Variants in ST7 observed in about 807,000 individuals in gnomAD.
ST7 encodes suppressor of tumorigenicity 7 protein.
Under a neutral mutation model 78.7 loss-of-function variants are expected in ST7, and 28 were observed. The observed-to-expected ratio is 0.36, with a 90% CI of 0.26 to 0.49. ST7 has a LOEUF of 0.49. Ranked by LOEUF, ST7 falls within the 20% of genes least tolerant of loss-of-function variation. ST7 has a pLI of 0.99. For synonymous variants in ST7, 247 were observed against 249.6 expected (o/e 0.99, Z 0.10); for missense variants, 418 against 696.0 (o/e 0.60, Z 4.49).
chr7:117,100,506 A>G (rs910380551), intron 2 of ST7, among the ~76,000 whole-genome samples: 1 of 152,094 alleles, frequency 6.6e-6, no homozygotes, highest in African/African-American at 2.4e-5. Context: ...ATCAAAATGG[A>G]ATATTGTACA....
intron 1 of ST7, among the ~76,000 whole-genome samples, chr7:117,042,654 A>G (rs1797286987): frequency 6.6e-6 from 1 of 152,126 alleles, no homozygotes; most frequent in Admixed American, 6.5e-5. Flanking sequence ...TCACTCTTGT[A>G]GACATTTTAA....
At chr7:117,211,358 C>G (rs1423907649) in intron 13 of ST7, among the ~76,000 whole-genome samples, 1 of 152,148 alleles carries the variant, frequency 6.6e-6, no homozygotes, top group Non-Finnish European at 1.5e-5. Context: ...TGTGTGTGAG[C>G]ATGGTCATGA....
chr7:117,032,271 C>T lies in ST7; in HGVS notation c.152-67491C>T, dbSNP rs189442552. 3.5e-3 allele frequency among the ~76,000 whole-genome samples: 534 copies of T among 152,036 alleles called. 2 individuals are homozygous for T. The highest frequency in any genetic ancestry group is 0.014 in the Middle Eastern group (4 of 294). On this transcript the variant is annotated intron_variant, in intron 1 of 15. Coordinates refer to ENST00000323984, the MANE Select transcript of ST7 (RefSeq NM_001369598.1). ...TTTATGTAAATGCTACTTTTATGGC[C>T]CTTAGAACATTTGTTCTTTCTCTTG...
intron 2 of ST7, among the ~76,000 whole-genome samples, chr7:117,100,494 C>T (rs1379990298): frequency 2.0e-5 from 3 of 151,690 alleles, no homozygotes; most frequent in South Asian, 2.1e-4. Context: ...ACAAAACCAA[C>T]GATCAAAATG....
chr7:117,072,632 A>G (rs1701359441), intron 1 of ST7: 1 of 152,192 alleles, frequency 6.6e-6, no homozygotes, highest in Non-Finnish European at 1.5e-5. Context: ...TTAAAACTAG[A>G]TGTAGAAATA....
chr7:117,020,757 A>C (rs1795857987), intron 1 of ST7: 2 of 1,349,686 alleles, frequency 1.5e-6, no homozygotes, highest in Non-Finnish European at 2.0e-6. Flanking sequence ...CTAATTACAA[A>C]GGAATTGGTC....
intron 1 of ST7, among the ~76,000 whole-genome samples, chr7:116,976,374 C>T (rs1054423416): frequency 2.6e-5 from 4 of 152,132 alleles, no homozygotes; most frequent in Non-Finnish European, 5.9e-5. Context: ...GGGTAGATTG[C>T]AACAAAAATT....
rs763690509 is a variant in ST7, at chr7:117,167,053, CT to C, written c.964-3797del. On this transcript the variant is annotated intron_variant, in intron 9 of 15. Coordinates refer to ENST00000323984, the MANE Select transcript of ST7 (RefSeq NM_001369598.1). ...GAGAAAAGAGGAGATGGTAATGATTCTTTTTTTTTTTTACTTTGTTTTTTTT... is the reference window on the plus strand; with the variant it reads ...GAGAAAAGAGGAGATGGTAATGATTCTTTTTTTTTTTACTTTGTTTTTTTT... Among the ~76,000 whole-genome samples the C allele has an allele frequency of 5.3e-3, 759 of 143,168 alleles. 7 individuals are homozygous for C. Among genetic ancestry groups the C allele is most frequent in the African/African-American group, 0.013 (521 of 39,414 alleles). 93.9% of individuals were successfully genotyped at this position (143,168 alleles called of 152,430 possible).
In ST7 at chr7:117,171,030, C is replaced by A. The variant is rs557300152; in HGVS notation, c.1078+54C>A. 62 of 1,240,904 alleles carry A rather than the reference C, an allele frequency of 5.0e-5. No individual in the cohort carries two copies. The South Asian group carries it at 7.6e-4, about 15-fold the overall frequency. The allele number at this position is 1,240,904 out of a possible 1,614,324, so 76.9% of individuals were successfully genotyped here. ...GACTATTCCTCTTTTGATGTATTTT[C>A]CCTGATTAGATTAGAAGGGTCATTT... is the stretch of plus-strand genomic sequence containing the variant. On this transcript the variant is annotated intron_variant, in intron 10 of 15. Transcript: ENST00000323984.
In ST7 at chr7:117,219,118, G is replaced by T; in HGVS notation, c.1440G>T (p.Gly480=). Residue 480 remains glycine (G), a synonymous_variant, in exon 14 of 16, where the codon GGG becomes GGT. Coordinates refer to ENST00000323984, the MANE Select transcript of ST7 (RefSeq NM_001369598.1). The surrounding 1 kb of genome is among the most constrained non-coding windows in gnomAD (Gnocchi z 5.1). The stretch of plus-strand genomic sequence containing the variant: ...TGATCCCTTATCCCTTGGAAAAGGG[G>T]CACCTATTTTATCCTTACCCAATCT... The part of the protein sequence containing the change: ...FRMIPYPLEK[G]HLFYPYPICT... 1 of 1,613,508 alleles carries T rather than the reference G, an allele frequency of 6.2e-7. No individual in the cohort carries two copies. The highest frequency in any genetic ancestry group is 8.5e-7 in the Non-Finnish European group (1 of 1,179,790).
chr7:117,170,734 A>G (rs1807925982), intron 9 of ST7, 128 bp from the exon 10 acceptor site: 2 of 318,716 alleles, frequency 6.3e-6, no homozygotes, highest in East Asian at 5.4e-5. Context: ...AACTCTAGTA[A>G]TCATTTTACT....
At chr7:117,089,674 C>T (rs973932412) in intron 1 of ST7, among the ~76,000 whole-genome samples, 7 of 151,226 alleles carry the variant, frequency 4.6e-5, no homozygotes, top group African/African-American at 7.3e-5. Flanking sequence ...TGGGTTCAAG[C>T]GATTCTCCTG....
In ST7 at chr7:117,219,239, G is replaced by T; in HGVS notation, c.1498+63G>T. ...GTGAAAGGTGGGGATTGGAAGAGGT[G>T]GGAATATCAAAGTTTAGAATGCTCC... On this transcript the variant is annotated intron_variant, in intron 14 of 15. Coordinates refer to ENST00000323984, the MANE Select transcript of ST7 (RefSeq NM_001369598.1). This position sits in a 1 kb window ranked among gnomAD's most constrained non-coding sequence, Gnocchi z 5.1. 1 of 1,358,718 alleles carries T rather than the reference G, an allele frequency of 7.4e-7. No individual in the cohort carries two copies. Among genetic ancestry groups the T allele is most frequent in the Non-Finnish European group, 1.0e-6 (1 of 973,226 alleles). The allele number at this position is 1,358,718 out of a possible 1,614,324, so 84.2% of individuals were successfully genotyped here.
chr7:117,018,546 A>G (rs1484636111), intron 1 of ST7, among the ~76,000 whole-genome samples: 1 of 152,084 alleles, frequency 6.6e-6, no homozygotes, highest in Non-Finnish European at 1.5e-5. Flanking sequence ...AAATCCTTAA[A>G]TATAATTTTG....
At chr7:117,073,253 G>C (rs1046670272) in intron 1 of ST7, 1 of 152,086 alleles carries the variant, frequency 6.6e-6, no homozygotes, top group Non-Finnish European at 1.5e-5. Context: ...GTACTGTGGA[G>C]TATTAAATGA....
At chr7:117,077,792 A>G (rs73210195) in intron 1 of ST7, among the ~76,000 whole-genome samples, 538 of 151,826 alleles carry the variant, frequency 3.5e-3, no homozygotes, top group Non-Finnish European at 5.7e-3. Context: ...ATTTTTGCCA[A>G]TGTAATCAGT....
intron 1 of ST7, among the ~76,000 whole-genome samples, chr7:117,019,691 C>T (rs181192244): frequency 4.2e-4 from 64 of 152,260 alleles, no homozygotes; most frequent in African/African-American, 1.5e-3. Context: ...AAGCAGTGTT[C>T]TAAGTACTTA....
At chr7:117,091,583 G>A (rs975965776) in intron 1 of ST7, among the ~76,000 whole-genome samples, 1 of 152,094 alleles carries the variant, frequency 6.6e-6, no homozygotes, top group Non-Finnish European at 1.5e-5. Flanking sequence ...ATGAACAATC[G>A]GGAAAGAAAC....
chr7:117,196,805 C>T (rs1161995495), intron 12 of ST7, among the ~76,000 whole-genome samples: 1 of 151,828 alleles, frequency 6.6e-6, no homozygotes, highest in Non-Finnish European at 1.5e-5. Context: ...GACGTAGTCC[C>T]ACTTGTGTAT....
Sources: allele counts gnomAD v4.1 joint callset (sites outside exome capture counted in the v4.1 genomes callset), GRCh38; gene constraint gnomAD v4.1.1; non-coding constraint Gnocchi (gnomAD v3.1); transcripts MANE v1.5; gene names NCBI Gene and HGNC (gene_info 2026-07-23, HGNC 2026-07-21).